SVIL: variants seen among roughly 807,000 people sequenced by gnomAD.
The protein encoded by SVIL is supervillin, also known as archvillin.
SVIL carries 101 observed loss-of-function variants against 240.4 expected under a neutral mutation model. The observed-to-expected ratio is 0.42, with a 90% confidence interval of 0.36 to 0.50. The LOEUF is 0.50. SVIL is among the 20% of genes least tolerant of loss of function. SVIL has a pLI of 0.01. For missense variants in SVIL, 2,512 were observed against 2,818.7 expected (o/e 0.89, Z 2.46); for synonymous variants, 999 against 1,100.0 (o/e 0.91, Z 1.82).
intron 15 of SVIL, among the ~76,000 whole-genome samples, chr10:29,522,965 C>T (rs1005112205): frequency 1.3e-5 from 2 of 152,194 alleles, no homozygotes; most frequent in African/African-American, 4.8e-5. Flanking sequence ...CTCACAAACG[C>T]AAACCCCTAT....
chr10:29,652,080 A>G (rs2133013324), intron 3 of SVIL, among the ~76,000 whole-genome samples: 1 of 152,184 alleles, frequency 6.6e-6, no homozygotes, highest in South Asian at 2.1e-4. Flanking sequence ...ACAATTCACT[A>G]ATGTAAAATG....
intron 32 of SVIL, 120 bp downstream of exon 32, chr10:29,470,156 C>T (rs1225205282): frequency 8.6e-7 from 1 of 1,163,230 alleles, no homozygotes; most frequent in Admixed American, 2.0e-5. Flanking sequence ...CCCAGCCATC[C>T]TTTGCTGCAG....
intron 16 of SVIL, among the ~76,000 whole-genome samples, chr10:29,515,641 C>G (rs1316095339): frequency 6.6e-6 from 1 of 152,218 alleles, no homozygotes; most frequent in Non-Finnish European, 1.5e-5. Flanking sequence ...AGCTACTCCT[C>G]CTGAACATCC....
At chr10:29,499,459 C>T (rs540341468) in intron 17 of SVIL, among the ~76,000 whole-genome samples, 196 bp from the exon 18 acceptor site, 70 of 152,274 alleles carry the variant, frequency 4.6e-4, no homozygotes, top group South Asian at 4.6e-3. Flanking sequence ...TCACCATTGG[C>T]GATGCTGTAA....
At chr10:29,708,358 C>A (rs1304763332) in intron 1 of SVIL, among the ~76,000 whole-genome samples, 1 of 151,784 alleles carries the variant, frequency 6.6e-6, no homozygotes, top group Non-Finnish European at 1.5e-5. Context: ...CGTTAGCTCA[C>A]GCCTGTAATC....
upstream of SVIL, among the ~76,000 whole-genome samples, chr10:29,637,437 G>A (rs1269443916): frequency 6.6e-6 from 1 of 152,160 alleles, no homozygotes; most frequent in Non-Finnish European, 1.5e-5. Context: ...AGGTTGCAGT[G>A]AGCCAAGATC....
intron 1 of SVIL, among the ~76,000 whole-genome samples, chr10:29,706,293 C>A (rs1304334287): frequency 6.6e-6 from 1 of 152,170 alleles, no homozygotes; most frequent in Admixed American, 6.5e-5. Flanking sequence ...AAAAGCATTC[C>A]TATTTCTCCA....
rs1465483121 is a variant in SVIL at position 29,735,458 on chromosome 10, C to A, written c.-400+293G>T. Among the ~76,000 whole-genome samples, 1 of 151,894 alleles carries A rather than the reference C, an allele frequency of 6.6e-6. No individual in the cohort carries two copies. Among genetic ancestry groups the A allele is most frequent in the East Asian group, 1.9e-4 (1 of 5,138 alleles). On this transcript the variant is annotated intron_variant, in intron 1 of 35. Transcript: ENST00000375400. The surrounding 1 kb of genome is among the most constrained non-coding windows in gnomAD (Gnocchi z 4.1). ...TGCCCCGGCCCGCTCCTCCCCGAGG[C>A]GCGCTCCGGGGACGGAAGTGGGTGG...
chr10:29,714,948 T>TAAAAAAAAAAAAAAAAAAAAAAA (rs61107910), intron 1 of SVIL, among the ~76,000 whole-genome samples: 6 of 78,362 alleles, frequency 7.7e-5, no homozygotes, highest in Non-Finnish European at 1.0e-4. Context: ...TGTCTGAAAT[T>TAAAAAAAAAAAAAAAAAAAAAAA]AAAAAAAAAA....
chr10:29,626,750 C>T (rs1300377524), intron 1 of SVIL, among the ~76,000 whole-genome samples: 3 of 152,172 alleles, frequency 2.0e-5, no homozygotes, highest in South Asian at 2.1e-4. Flanking sequence ...TCAGGCTGGG[C>T]GCGGTGGCTC....
chr10:29,570,109 G>A (rs1955316823), intron 1 of SVIL, among the ~76,000 whole-genome samples: 1 of 152,202 alleles, frequency 6.6e-6, no homozygotes, highest in South Asian at 2.1e-4. Flanking sequence ...GGAAAAATAA[G>A]TACAAAATAT....
At chr10:29,485,429 C>T (rs1005405124) in intron 26 of SVIL, among the ~76,000 whole-genome samples, 9 of 152,220 alleles carry the variant, frequency 5.9e-5, no homozygotes, top group African/African-American at 2.2e-4. Flanking sequence ...TCACTTCCAG[C>T]AATTCAAATT....
chr10:29,672,579 A>G (rs1287999871), intron 2 of SVIL, among the ~76,000 whole-genome samples: 2 of 152,240 alleles, frequency 1.3e-5, no homozygotes, highest in African/African-American at 4.8e-5. Flanking sequence ...TAATAAAATT[A>G]CGCACATAAG....
chr10:29,458,692 C>T (rs1943858819), intron 36 of SVIL, 103 bp from the exon 37 acceptor site: 9 of 1,228,322 alleles, frequency 7.3e-6, no homozygotes, highest in Non-Finnish European at 9.0e-6. Context: ...TGCATACTGC[C>T]TGAGGATGCA....
At chr10:29,532,228 G>A in intron 8 of SVIL, 56 bp from the exon 9 acceptor site, 2 of 1,583,456 alleles carry the variant, frequency 1.3e-6, no homozygotes, top group South Asian at 1.1e-5. Context: ...CAGAGAAAGA[G>A]AAGATGGCAA....
At chr10:29,551,769 AG>A (rs1256308273) in intron 5 of SVIL, among the ~76,000 whole-genome samples, 1 of 139,704 alleles carries the variant, frequency 7.2e-6, no homozygotes, top group African/African-American at 2.8e-5. Flanking sequence ...TCTTTTTTAC[AG>A]AAGTGTTTTT....
chr10:29,521,926 A>C (rs1311505031), intron 16 of SVIL, among the ~76,000 whole-genome samples: 1 of 152,240 alleles, frequency 6.6e-6, no homozygotes, highest in Non-Finnish European at 1.5e-5. Context: ...AAAAGAAACA[A>C]AACTTGGATT....
intron 1 of SVIL, among the ~76,000 whole-genome samples, chr10:29,602,942 C>A (rs1412204549): frequency 6.6e-6 from 1 of 151,926 alleles, no homozygotes; most frequent in Non-Finnish European, 1.5e-5. Context: ...GCCATGATCA[C>A]ACCATTGCAT....
At chr10:29,566,944 C>G (rs1353415911) in intron 2 of SVIL, among the ~76,000 whole-genome samples, 1 of 152,178 alleles carries the variant, frequency 6.6e-6, no homozygotes, top group Non-Finnish European at 1.5e-5. Context: ...AAAGTAAGAG[C>G]CTGTGTTTCA....
Sources: allele counts gnomAD v4.1 joint callset (sites outside exome capture counted in the v4.1 genomes callset), GRCh38; gene constraint gnomAD v4.1.1; non-coding constraint Gnocchi (gnomAD v3.1); transcripts MANE v1.5; gene names NCBI Gene and HGNC (gene_info 2026-07-23, HGNC 2026-07-21).